CDK14: variants seen among roughly 807,000 people sequenced by gnomAD.
CDK14 encodes the protein cyclin dependent kinase 14.
Under a neutral mutation model 60.7 loss-of-function variants are expected in CDK14, and 34 were observed. The observed-to-expected ratio is 0.56, with a 90% CI of 0.43 to 0.75. CDK14 has a LOEUF of 0.75. Ranked by LOEUF, CDK14 falls within the 30% of genes least tolerant of loss-of-function variation. The pLI, the probability that CDK14 is intolerant of heterozygous loss-of-function variation, is 0.00. For missense variants in CDK14, 482 were observed against 564.1 expected (o/e 0.85, Z 1.47); for synonymous variants, 197 against 203.7 (o/e 0.97, Z 0.28).
intron 9 of CDK14, among the ~76,000 whole-genome samples, chr7:90,981,369 A>T (rs1183788314): frequency 6.6e-6 from 1 of 152,226 alleles, no homozygotes; most frequent in Non-Finnish European, 1.5e-5. Context: ...TACCTAGAAC[A>T]CTGGTTTGAA....
At chr7:90,817,253 A>G (rs926549471) in intron 5 of CDK14, among the ~76,000 whole-genome samples, 10 of 152,186 alleles carry the variant, frequency 6.6e-5, no homozygotes, top group African/African-American at 2.2e-4. Flanking sequence ...AAATTTTAGT[A>G]TGGGTCATTT....
At chr7:90,938,263 A>C (rs1793814580) in intron 8 of CDK14, among the ~76,000 whole-genome samples, 1 of 152,230 alleles carries the variant, frequency 6.6e-6, no homozygotes, top group African/African-American at 2.4e-5. Flanking sequence ...TGAGTCTTTC[A>C]AAACCATCTG....
intron 14 of CDK14, among the ~76,000 whole-genome samples, chr7:91,170,589 C>T (rs904640897): frequency 3.9e-5 from 6 of 152,082 alleles, no homozygotes; most frequent in African/African-American, 1.4e-4. Flanking sequence ...AGAAATAAAT[C>T]ATTTCCCCTC....
intron 5 of CDK14, among the ~76,000 whole-genome samples, chr7:90,843,866 T>C (rs549812671): frequency 2.0e-5 from 3 of 152,300 alleles, no homozygotes; most frequent in South Asian, 4.1e-4. Flanking sequence ...AGTTTTTGAC[T>C]ATGATCTATA....
chr7:90,810,359 A>G (rs1233719122), intron 5 of CDK14, among the ~76,000 whole-genome samples: 1 of 152,228 alleles, frequency 6.6e-6, no homozygotes, highest in East Asian at 1.9e-4. Context: ...AAACAGAACC[A>G]AAGAGAAAAA....
chr7:90,940,961 C>G (rs1220930887), intron 8 of CDK14, among the ~76,000 whole-genome samples: 1 of 152,178 alleles, frequency 6.6e-6, no homozygotes, highest in Admixed American at 6.5e-5. Context: ...AACCAGTTAA[C>G]TCAATGAACA....
intron 14 of CDK14, among the ~76,000 whole-genome samples, chr7:91,128,810 A>C (rs1248597813): frequency 1.3e-5 from 2 of 151,910 alleles, no homozygotes; most frequent in African/African-American, 2.4e-5. Flanking sequence ...CCCTCCTTTC[A>C]ATTCCGCATT....
intron 14 of CDK14, among the ~76,000 whole-genome samples, chr7:91,130,027 C>T (rs1255092712): frequency 6.6e-6 from 1 of 152,074 alleles, no homozygotes; most frequent in Admixed American, 6.6e-5. Context: ...GTACAATTAA[C>T]CCTTAAGAAA....
rs1803246675 is a variant in CDK14, at chr7:90,739,109, A to G, written c.370-8572A>G. On this transcript the variant is annotated intron_variant, in intron 3 of 14. Coordinates refer to ENST00000380050, the MANE Select transcript of CDK14 (RefSeq NM_001287135.2). Reference sequence around the variant, plus strand: ...CCATAGGACTGTTGTTTTGTAGACTAGGAAAAGTTTTAGAGAGAATTACAT... The same window carrying G: ...CCATAGGACTGTTGTTTTGTAGACTGGGAAAAGTTTTAGAGAGAATTACAT... Among the ~76,000 whole-genome samples, 4 of 152,302 alleles carry G rather than the reference A, an allele frequency of 2.6e-5. No individual in the cohort carries two copies. The South Asian group carries it at 8.3e-4, about 32-fold the overall frequency.
intron 14 of CDK14, among the ~76,000 whole-genome samples, chr7:91,176,453 A>G (rs1341503607): frequency 6.6e-6 from 1 of 152,318 alleles, no homozygotes; most frequent in East Asian, 1.9e-4. Flanking sequence ...AGAAATAACT[A>G]AAATCAGAGC....
Position 90,974,722 on chromosome 7 carries a change from TTGAC to T in CDK14, c.948-9422_948-9419del, listed in dbSNP as rs200117696. Among the ~76,000 whole-genome samples the T allele has an allele frequency of 7.9e-3, 1,198 of 152,292 alleles. 19 individuals are homozygous for T. Among genetic ancestry groups the T allele is most frequent in the African/African-American group, 0.028 (1,146 of 41,562 alleles). On this transcript the variant is annotated intron_variant, in intron 9 of 14. Coordinates refer to ENST00000380050, the MANE Select transcript of CDK14 (RefSeq NM_001287135.2). ...AGTTAACAATATCTTTTTGAGAAAA[TTGAC>T]TGAGTATAGTCCCTTGAAAATATGC...
chr7:91,008,992 T>G (rs1237801715), intron 10 of CDK14, among the ~76,000 whole-genome samples: 1 of 152,054 alleles, frequency 6.6e-6, no homozygotes, highest in Non-Finnish European at 1.5e-5. Context: ...TCTTTGAACC[T>G]CCTTGTAGTC....
intron 12 of CDK14, among the ~76,000 whole-genome samples, chr7:91,088,410 A>G (rs962000197): frequency 6.6e-6 from 1 of 152,196 alleles, no homozygotes; most frequent in Non-Finnish European, 1.5e-5. Context: ...ACAACAACAA[A>G]AATGCACTGA....
intron 10 of CDK14, among the ~76,000 whole-genome samples, chr7:91,007,907 T>C (rs1184946388): frequency 6.6e-6 from 1 of 152,140 alleles, no homozygotes; most frequent in East Asian, 1.9e-4. Context: ...ATTTTTACAT[T>C]ATATTTTCAT....
intron 2 of CDK14, chr7:90,632,154 G>T: frequency 6.2e-6 from 1 of 161,894 alleles, no homozygotes; most frequent in South Asian, 1.8e-4. Flanking sequence ...TTCTCTTGTT[G>T]CCATGTGATT....
chr7:91,194,217 G>A (rs985762171), intron 14 of CDK14, among the ~76,000 whole-genome samples: 7 of 152,054 alleles, frequency 4.6e-5, no homozygotes, highest in East Asian at 1.9e-4. Context: ...ATTTTATATC[G>A]TGTTTGGACC....
intron 2 of CDK14, among the ~76,000 whole-genome samples, chr7:90,644,149 A>G (rs1800408734): frequency 1.3e-5 from 2 of 152,194 alleles, no homozygotes; most frequent in Admixed American, 1.3e-4. Context: ...AAGCTAGGAA[A>G]AGGGTCCTGA....
At position 90,946,384 on chromosome 7, in the gene CDK14, TA is replaced by T. The variant is rs1232757219; in HGVS notation, c.827-9310del. ...CAAAGTAGCTTTAAAATTATCAAAA[TA>T]AAGATGTGCATATCTTTTAATAGGC... On this transcript the variant is annotated intron_variant, in intron 8 of 14. Coordinates refer to ENST00000380050, the MANE Select transcript of CDK14 (RefSeq NM_001287135.2). Among the ~76,000 whole-genome samples the T allele has an allele frequency of 5.9e-5, 9 of 152,192 alleles. No individual in the cohort carries two copies. The South Asian group carries it at 1.0e-3, about 18-fold the overall frequency.
chr7:91,040,115 C>G (rs1382588580), intron 10 of CDK14, among the ~76,000 whole-genome samples: 2 of 152,090 alleles, frequency 1.3e-5, no homozygotes, highest in Non-Finnish European at 2.9e-5. Flanking sequence ...TCACCATCAC[C>G]CATGAGGCCA....
Sources: gnomAD v4.1 joint callset for allele counts (sites outside exome capture counted in the v4.1 genomes callset) on GRCh38, gnomAD v4.1.1 for gene constraint, MANE v1.5 for transcripts, NCBI Gene and HGNC (gene_info 2026-07-23, HGNC 2026-07-21) for gene names.